GOLGA1: variants seen among roughly 807,000 people sequenced by gnomAD.
GOLGA1 encodes the protein golgin A1.
Under a neutral mutation model 119.7 loss-of-function variants are expected in GOLGA1, and 63 were observed. The observed-to-expected ratio is 0.53, with a 90% CI of 0.43 to 0.65. The LOEUF is 0.65. Among genes scored for constraint, GOLGA1 ranks in the 30% least tolerant of loss-of-function variants. The pLI, the probability that GOLGA1 is intolerant of heterozygous loss-of-function variation, is 0.00. For synonymous variants in GOLGA1, 318 were observed against 333.4 expected (o/e 0.95, Z 0.50); for missense variants, 798 against 912.8 (o/e 0.87, Z 1.62).
chr9:124,883,916 T>C (rs1829653203), intron 19 of GOLGA1, among the ~76,000 whole-genome samples: 1 of 152,264 alleles, frequency 6.6e-6, no homozygotes, highest in Non-Finnish European at 1.5e-5. Context: ...AATAGTATTA[T>C]GAGCCTTACA....
rs150052626 is a variant in GOLGA1, at chr9:124,911,046, T to C, written c.969+855A>G. Among the ~76,000 whole-genome samples, 45 of 152,304 alleles carry C rather than the reference T, an allele frequency of 3.0e-4. No individual in the cohort carries two copies. The East Asian group carries it at 8.7e-3, about 29-fold the overall frequency. On this transcript the variant is annotated intron_variant, in intron 11 of 22. Transcript: ENST00000373555. Reference sequence around the variant, plus strand: ...TGATTCTAGAAATCAATTTATTCCCTAGAACCCACATTACACTTCCTGTAG... The same window carrying C: ...TGATTCTAGAAATCAATTTATTCCCCAGAACCCACATTACACTTCCTGTAG...
At chr9:124,880,639 G>A (rs367935600) in intron 22 of GOLGA1, 29 bp from the exon 23 acceptor site, 5 of 1,422,928 alleles carry the variant, frequency 3.5e-6, no homozygotes, top group Non-Finnish European at 5.0e-6. Flanking sequence ...AGGCTTCTGA[G>A]ATGCAAATCA....
chr9:124,912,667 C>T (rs10986483), intron 10 of GOLGA1, among the ~76,000 whole-genome samples: 3,172 of 152,262 alleles, frequency 0.021, 122 homozygotes, highest in East Asian at 0.15. Context: ...CTCAGCCTCC[C>T]GAGTAGCTGG....
Position 124,921,781 on chromosome 9 carries a change from C to A in GOLGA1, c.673G>T (p.Asp225Tyr). ...ELMNSNQMSS[D>Y]LSQKLEELQR... Reference sequence around the variant, plus strand: ...AATTCTTCTAGCTTCTGGCTTAAGTCTGATGACATCTGATTGGAGTTCATC... The same window carrying A: ...AATTCTTCTAGCTTCTGGCTTAAGTATGATGACATCTGATTGGAGTTCATC... Residue 225 changes from aspartate (D) to tyrosine (Y), a missense_variant, in exon 9 of 23, where the codon GAC (aspartate) becomes TAC (tyrosine). Coordinates refer to ENST00000373555, the MANE Select transcript of GOLGA1 (RefSeq NM_002077.4). The A allele has an allele frequency of 1.2e-6, 2 of 1,613,518 alleles. No homozygotes were observed. Among genetic ancestry groups the A allele is most frequent in the Non-Finnish European group, 8.5e-7 (1 of 1,179,386 alleles).
chr9:124,894,950 C>A (rs536566953), intron 15 of GOLGA1, among the ~76,000 whole-genome samples: 2 of 150,354 alleles, frequency 1.3e-5, no homozygotes, highest in African/African-American at 4.9e-5. Flanking sequence ...CAACAGAGAC[C>A]CATCCACAAC....
chr9:124,891,714 A>G (rs1262477442), intron 15 of GOLGA1, among the ~76,000 whole-genome samples: 1 of 151,536 alleles, frequency 6.6e-6, no homozygotes, highest in African/African-American at 2.4e-5. Flanking sequence ...GCGCAATCTC[A>G]GCTCACTGCA....
chr9:124,899,704 T>A (rs1830058304), intron 13 of GOLGA1, among the ~76,000 whole-genome samples: 1 of 152,182 alleles, frequency 6.6e-6, no homozygotes, highest in Non-Finnish European at 1.5e-5. Context: ...CCTCAAGGTG[T>A]GTGGGGACAG....
At chr9:124,931,123 C>T (rs1337571066) in intron 4 of GOLGA1, among the ~76,000 whole-genome samples, 193 bp downstream of exon 4, 5 of 152,096 alleles carry the variant, frequency 3.3e-5, no homozygotes, top group Non-Finnish European at 7.4e-5. Context: ...TTTTAATAAA[C>T]TTTCAAATTC....
chr9:124,925,846 A>G (rs1208765784), intron 7 of GOLGA1, among the ~76,000 whole-genome samples: 1 of 152,238 alleles, frequency 6.6e-6, no homozygotes, highest in Non-Finnish European at 1.5e-5. Context: ...TGTTTTTCCA[A>G]TTGTAGACTT....
Position 124,888,217 on chromosome 9 carries a change from T to C in GOLGA1, c.1905+36A>G. The C allele has an allele frequency of 6.2e-7, 1 of 1,606,564 alleles. No homozygotes were observed. Among genetic ancestry groups the C allele is most frequent in the African/African-American group, 1.3e-5 (1 of 74,884 alleles). On this transcript the variant is annotated intron_variant, in intron 19 of 22. Coordinates refer to ENST00000373555, the MANE Select transcript of GOLGA1 (RefSeq NM_002077.4). The surrounding 1 kb of genome is among the most constrained non-coding windows in gnomAD (Gnocchi z 4.4). ...TTTAGGCCTGAGGGTGAGGACCTGG[T>C]GGAGACAGAAACAGCCATGCAAAAG...
intron 19 of GOLGA1, among the ~76,000 whole-genome samples, chr9:124,885,732 C>T (rs1000504194): frequency 2.0e-5 from 3 of 151,994 alleles, no homozygotes; most frequent in South Asian, 2.1e-4. Context: ...GAGGGAGTGA[C>T]GAGGACAGGA....
intron 12 of GOLGA1, among the ~76,000 whole-genome samples, chr9:124,906,473 G>C (rs921155822): frequency 1.8e-4 from 27 of 150,254 alleles, no homozygotes; most frequent in African/African-American, 5.9e-4. Context: ...TCACAGGCCG[G>C]GCGCGGTGGC....
At chr9:124,903,651 C>CAAA (rs11435294) in intron 12 of GOLGA1, among the ~76,000 whole-genome samples, 21 of 91,262 alleles carry the variant, frequency 2.3e-4, no homozygotes, top group South Asian at 4.1e-4. Flanking sequence ...AGAAAAAGAC[C>CAAA]AAAAAAAAAA....
intron 13 of GOLGA1, chr9:124,900,243 G>A (rs755912529): frequency 3.3e-5 from 14 of 420,530 alleles, no homozygotes; most frequent in Non-Finnish European, 4.3e-5. Flanking sequence ...AGGAGCTGCT[G>A]GTGCACCTCC....
intron 1 of GOLGA1, chr9:124,947,685 C>T (rs1339120193): frequency 6.6e-6 from 1 of 152,096 alleles, no homozygotes; most frequent in Admixed American, 6.5e-5. Context: ...CATGTAGCAT[C>T]ACAAAAATAT....
At chr9:124,898,416 T>C in intron 15 of GOLGA1, 133 bp downstream of exon 15, 6 of 611,686 alleles carry the variant, frequency 9.8e-6, no homozygotes, top group Admixed American at 6.3e-5. Context: ...TTCTGGCCGA[T>C]GCCTAACAGA....
intron 12 of GOLGA1, among the ~76,000 whole-genome samples, chr9:124,904,915 A>C (rs1830190264): frequency 6.8e-6 from 1 of 147,422 alleles, no homozygotes; most frequent in South Asian, 2.1e-4. Flanking sequence ...CTGGACGCCA[A>C]CCCAGGCTAC....
chr9:124,894,773 C>T (rs888585585), intron 15 of GOLGA1, among the ~76,000 whole-genome samples: 1 of 152,198 alleles, frequency 6.6e-6, no homozygotes, highest in Non-Finnish European at 1.5e-5. Flanking sequence ...TCTGGAGACA[C>T]TGTGGTTGTC....
intron 19 of GOLGA1, among the ~76,000 whole-genome samples, chr9:124,886,926 C>G (rs975542006): frequency 1.3e-5 from 2 of 151,996 alleles, no homozygotes; most frequent in African/African-American, 4.8e-5. Flanking sequence ...CTGGGCTGCC[C>G]GCAGGACCAT....
Sources: gnomAD v4.1 joint callset for allele counts (sites outside exome capture counted in the v4.1 genomes callset) on GRCh38, gnomAD v4.1.1 for gene constraint, Gnocchi (gnomAD v3.1) non-coding constraint, MANE v1.5 for transcripts, NCBI Gene and HGNC (gene_info 2026-07-23, HGNC 2026-07-21) for gene names.